ART3: variants seen among roughly 807,000 people sequenced by gnomAD.
The protein encoded by ART3 is ADP-ribosyltransferase 3 (inactive).
Under a neutral mutation model 48.5 loss-of-function variants are expected in ART3, and 49 were observed. The observed-to-expected ratio is 1.01, with a 90% CI of 0.80 to 1.28. The LOEUF (loss-of-function observed/expected upper bound fraction) is 1.28. ART3 is among the 50% of genes most tolerant of loss of function. The pLI, the probability that ART3 is intolerant of heterozygous loss-of-function variation, is 0.00. For missense variants in ART3, 438 were observed against 454.3 expected, an observed-to-expected ratio of 0.96 and a Z score of 0.33; for synonymous variants, 145 against 157.2, an observed-to-expected ratio of 0.92 and a Z score of 0.58.
At chr4:76,083,879 C>T (rs1722999460) in intron 3 of ART3, among the ~76,000 whole-genome samples, 1 of 152,128 alleles carries the variant, frequency 6.6e-6, no homozygotes, top group Non-Finnish European at 1.5e-5. Context: ...TTAGAAATGG[C>T]TGTTAGATCA....
chr4:76,040,592 A>G (rs1201689169), intron 1 of ART3, among the ~76,000 whole-genome samples: 3 of 143,874 alleles, frequency 2.1e-5, no homozygotes, highest in Non-Finnish European at 4.5e-5. Context: ...AGACAGGGAG[A>G]AAAAAAAATT....
intron 1 of ART3, among the ~76,000 whole-genome samples, chr4:76,031,484 T>C (rs1307386187): frequency 6.6e-6 from 1 of 152,214 alleles, no homozygotes; most frequent in Non-Finnish European, 1.5e-5. Context: ...CCACTTTCAA[T>C]CAACCATTCA....
chr4:76,105,900 CTG>C, intron 10 of ART3: 1 of 985,392 alleles, frequency 1.0e-6, no homozygotes, highest in Non-Finnish European at 1.2e-6. Flanking sequence ...TGAATGAGGA[CTG>C]TGCAGCATGC....
At chr4:76,025,951 G>A (rs1267953819) in intron 1 of ART3, among the ~76,000 whole-genome samples, 1 of 152,036 alleles carries the variant, frequency 6.6e-6, no homozygotes, top group Non-Finnish European at 1.5e-5. Context: ...TTTAAAAAAC[G>A]TAAGTGATCA....
intron 1 of ART3, among the ~76,000 whole-genome samples, chr4:76,020,541 T>C (rs1245926095): frequency 6.6e-6 from 1 of 152,194 alleles, no homozygotes; most frequent in Non-Finnish European, 1.5e-5. Flanking sequence ...TACTCCCAGG[T>C]TTCTGGTTTG....
intron 3 of ART3, among the ~76,000 whole-genome samples, chr4:76,087,210 G>A (rs565456054): frequency 1.3e-5 from 2 of 152,172 alleles, no homozygotes; most frequent in Non-Finnish European, 2.9e-5. Context: ...AACCAAAGAG[G>A]TTCTATTGGA....
intron 1 of ART3, among the ~76,000 whole-genome samples, chr4:76,066,289 G>C (rs1719727717): frequency 6.6e-6 from 1 of 152,118 alleles, no homozygotes; most frequent in Non-Finnish European, 1.5e-5. Flanking sequence ...GGAAGAATGA[G>C]GTATGCAGAC....
At chr4:76,050,303 G>C (rs996970190) in intron 1 of ART3, among the ~76,000 whole-genome samples, 2 of 152,102 alleles carry the variant, frequency 1.3e-5, no homozygotes, top group Admixed American at 6.5e-5. Flanking sequence ...ACAGGGCGCT[G>C]ATAGGTGGGT....
intron 1 of ART3, among the ~76,000 whole-genome samples, chr4:76,054,846 A>T (rs1192689085): frequency 6.6e-6 from 1 of 152,248 alleles, no homozygotes; most frequent in Admixed American, 6.5e-5. Flanking sequence ...ATAAATAAAT[A>T]AATATTTAGG....
At chr4:76,049,140 T>G (rs1735789943) in intron 1 of ART3, among the ~76,000 whole-genome samples, 1 of 152,012 alleles carries the variant, frequency 6.6e-6, no homozygotes, top group Non-Finnish European at 1.5e-5. Context: ...ATCATGTCTT[T>G]CTGATTGGTG....
At chr4:76,102,751 G>A (rs1006989927) in intron 8 of ART3, among the ~76,000 whole-genome samples, 4 of 151,732 alleles carry the variant, frequency 2.6e-5, no homozygotes, top group African/African-American at 4.8e-5. Flanking sequence ...GAGTATTTCC[G>A]AGATCTGCAG....
Position 76,112,551 on chromosome 4 carries a change from ACT to A in ART3, c.*33_*34del. The A allele has an allele frequency of 6.3e-7, 1 of 1,590,162 alleles. No individual in the cohort carries two copies. Among genetic ancestry groups the A allele is most frequent in the Non-Finnish European group, 8.6e-7 (1 of 1,166,334 alleles). On this transcript the variant is annotated 3_prime_UTR_variant, in exon 12 of 12. Transcript: ENST00000355810. ...GCATTGTTTATCTTTCTTATTCTTT[ACT>A]TGAAATAACTATAGGGATCCACAGG...
At chr4:76,052,098 A>G (rs1284496974) in intron 1 of ART3, among the ~76,000 whole-genome samples, 2 of 150,608 alleles carry the variant, frequency 1.3e-5, no homozygotes, top group Non-Finnish European at 1.5e-5. Flanking sequence ...TTTATTAGAG[A>G]CGGGGTTTCG....
rs1162128182 is a variant in ART3 at position 76,035,970 on chromosome 4, C to CA, written c.-10+24651dup. On this transcript the variant is annotated intron_variant, in intron 1 of 9. Coordinates refer to the ART3 transcript ENST00000341029. ...ACAATATCACAGCCAAGGCTATAGC[C>CA]ATGCCCTTCACACTCATGTTTGTTT... The CA allele has an allele frequency of 2.5e-6, 4 of 1,613,822 alleles. No homozygotes were observed. The African/African-American group carries it at 5.3e-5, about 22-fold the overall frequency.
intron 1 of ART3, among the ~76,000 whole-genome samples, chr4:76,032,989 A>G (rs1734017313): frequency 1.3e-5 from 2 of 151,932 alleles, no homozygotes; most frequent in South Asian, 4.1e-4. Flanking sequence ...TCTATATTGT[A>G]TCTATAACCT....
chr4:76,049,907 G>A (rs2149450077), intron 1 of ART3, among the ~76,000 whole-genome samples: 1 of 151,926 alleles, frequency 6.6e-6, no homozygotes, highest in Non-Finnish European at 1.5e-5. Flanking sequence ...TCCTTCTGAT[G>A]TTTGGATGTG....
Position 76,099,965 on chromosome 4 carries a change from G to A in ART3, c.848-326G>A, listed in dbSNP as rs184205124. Among the ~76,000 whole-genome samples, 5 of 152,146 alleles carry A rather than the reference G, an allele frequency of 3.3e-5. No individual in the cohort carries two copies. The South Asian group carries it at 6.2e-4, about 19-fold the overall frequency. On this transcript the variant is annotated intron_variant, in intron 5 of 11. Coordinates refer to ENST00000355810, the MANE Select transcript of ART3 (RefSeq NM_001130016.3). ...TAGCAGCCCTTCTTTTTATTGTTCC[G>A]TTGCAGTCACAGGTTCTACTGATCA... is the stretch of plus-strand genomic sequence containing the variant.
intron 1 of ART3, among the ~76,000 whole-genome samples, chr4:76,069,602 C>T (rs1175594579): frequency 1.3e-5 from 2 of 151,808 alleles, no homozygotes; most frequent in Non-Finnish European, 2.9e-5. Context: ...GTTAGCCAGG[C>T]CAGTCTCGAA....
chr4:76,079,444 G>C (rs1721948975), intron 2 of ART3, among the ~76,000 whole-genome samples: 1 of 152,214 alleles, frequency 6.6e-6, no homozygotes, highest in African/African-American at 2.4e-5. Context: ...GAACATTCAA[G>C]TGGAGGTGTT....
Sources: gnomAD v4.1 joint callset for allele counts (sites outside exome capture counted in the v4.1 genomes callset) on GRCh38, gnomAD v4.1.1 for gene constraint, MANE v1.5 for transcripts, NCBI Gene and HGNC (gene_info 2026-07-23, HGNC 2026-07-21) for gene names.